Variants in LTBR observed in about 807,000 individuals in gnomAD.
LTBR encodes tumor necrosis factor receptor superfamily member 3.
Under a neutral mutation model 45.4 loss-of-function variants are expected in LTBR, and 15 were observed. The observed-to-expected ratio is 0.33, with a 90% CI of 0.22 to 0.51. The LOEUF (loss-of-function observed/expected upper bound fraction) is 0.51. LTBR is among the 20% of genes least tolerant of loss of function. The pLI, the probability that LTBR is intolerant of heterozygous loss-of-function variation, is 0.97. For missense variants in LTBR, 450 were observed against 565.5 expected (o/e 0.80, Z 2.07); for synonymous variants, 228 against 231.0 (o/e 0.99, Z 0.12).
chr12:6,386,084 A>G lies in LTBR; in HGVS notation c.491A>G (p.Asn164Ser), dbSNP rs1949042344. The G allele has an allele frequency of 9.3e-6, 15 of 1,613,692 alleles. No homozygotes were observed. The African/African-American group carries it at 9.4e-5, about 10-fold the overall frequency. Residue 164 changes from asparagine (N) to serine (S), a missense_variant, in exon 5 of 10, where the codon AAC becomes AGC. Asn to Ser is a conservative substitution (Grantham distance 46). Coordinates refer to ENST00000228918, the MANE Select transcript of LTBR (RefSeq NM_002342.3). The surrounding 1 kb of genome is among the most constrained non-coding windows in gnomAD (Gnocchi z 4.1). ...AELKDEVGKG[N>S]NHCVPCKAGH... ...TTGCCAGATGAAGTTGGGAAGGGTAACAACCACTGCGTCCCCTGCAAGGCC... is the reference window on the plus strand; with the variant it reads ...TTGCCAGATGAAGTTGGGAAGGGTAGCAACCACTGCGTCCCCTGCAAGGCC...
chr12:6,383,223 T>C (rs552573467), upstream of LTBR, among the ~76,000 whole-genome samples: 22 of 152,172 alleles, frequency 1.4e-4, no homozygotes, highest in South Asian at 4.0e-3. Context: ...AGACGGAAAC[T>C]TGGGGACCAG....
In LTBR at chr12:6,384,223, C is replaced by G; in HGVS notation, c.-136C>G. 1 of 1,353,084 alleles carries G rather than the reference C, an allele frequency of 7.4e-7. No individual in the cohort carries two copies. Among genetic ancestry groups the G allele is most frequent in the African/African-American group, 1.5e-5 (1 of 65,182 alleles). The allele number at this position is 1,353,084 out of a possible 1,614,324, so 83.8% of individuals were successfully genotyped here. On this transcript the variant is annotated 5_prime_UTR_variant, in exon 1 of 10. Coordinates refer to ENST00000228918, the MANE Select transcript of LTBR (RefSeq NM_002342.3). Reference sequence around the variant, plus strand: ...AGGCCCGGCCTGGCCGCTCCCGGCCCTGGGGTGCACATCGGCCCTGAGTCC... The same window carrying G: ...AGGCCCGGCCTGGCCGCTCCCGGCCGTGGGGTGCACATCGGCCCTGAGTCC...
Position 6,386,279 on chromosome 12 carries a change from T to C in LTBR, c.570-68T>C. The stretch of plus-strand genomic sequence containing the variant: ...ACTCACCACTTTCAGCCTCCCCGCC[T>C]GCCCAGTGGAGTCGGGACACTGGTG... On this transcript the variant is annotated intron_variant, in intron 5 of 9. Transcript: ENST00000228918. The surrounding 1 kb of genome is among the most constrained non-coding windows in gnomAD (Gnocchi z 4.1). 1 of 1,504,652 alleles carries C rather than the reference T, an allele frequency of 6.6e-7. No individual in the cohort carries two copies. The highest frequency in any genetic ancestry group is 9.2e-7 in the Non-Finnish European group (1 of 1,082,562). The allele number at this position is 1,504,652 out of a possible 1,614,324, so 93.2% of individuals were successfully genotyped here.
chr12:6,376,278 G>A (rs746071582), intron 1 of LTBR: 3 of 734,152 alleles, frequency 4.1e-6, no homozygotes, highest in Non-Finnish European at 3.3e-6. Flanking sequence ...GTCCAGACCC[G>A]GGAGGGGCCC....
At chr12:6,376,276 C>T (rs916610933) in intron 1 of LTBR, 33 of 733,904 alleles carry the variant, frequency 4.5e-5, no homozygotes, top group Middle Eastern at 6.7e-4. Context: ...TTGTCCAGAC[C>T]CGGGAGGGGC....
upstream of LTBR, among the ~76,000 whole-genome samples, chr12:6,381,991 A>C (rs1000518043): frequency 1.6e-4 from 25 of 152,262 alleles, no homozygotes; most frequent in African/African-American, 6.0e-4. Context: ...AGAGAAAAGA[A>C]GAGAAGAGAA....
chr12:6,380,823 C>T (rs1948975860), upstream of LTBR, among the ~76,000 whole-genome samples: 1 of 152,108 alleles, frequency 6.6e-6, no homozygotes, highest in South Asian at 2.1e-4. Flanking sequence ...GAGAAGAGTC[C>T]CACCCTCACA....
chr12:6,375,198 C>T, upstream of LTBR: 1 of 1,448,190 alleles, frequency 6.9e-7, no homozygotes, highest in African/African-American at 1.4e-5. Flanking sequence ...TCCTGCCTCT[C>T]ACTCCCTCTC....
rs1949012338 is a variant in LTBR at position 6,384,251 on chromosome 12, TC to T, written c.-105del. 7.1e-7 allele frequency: 1 copy of T among 1,412,010 alleles called. No individual in the cohort carries two copies. Among genetic ancestry groups the T allele is most frequent in the South Asian group, 1.6e-5 (1 of 64,284 alleles). The allele number at this position is 1,412,010 out of a possible 1,614,324, so 87.5% of individuals were successfully genotyped here. A position where few individuals can be genotyped will look rare whatever the true frequency, so the allele number is the denominator to read the frequency against. The stretch of plus-strand genomic sequence containing the variant: ...GGGTGCACATCGGCCCTGAGTCCCG[TC>T]CCAGGCTCTGGGCTCGGGCAGCCGC... On this transcript the variant is annotated 5_prime_UTR_variant, in exon 1 of 10. Coordinates refer to ENST00000228918, the MANE Select transcript of LTBR (RefSeq NM_002342.3).
In LTBR at chr12:6,391,296, G is replaced by T. The variant is rs1004235164; in HGVS notation, c.*359G>T. 6 of 192,444 alleles carry T rather than the reference G, an allele frequency of 3.1e-5. No homozygotes were observed. Among genetic ancestry groups the T allele is most frequent in the Admixed American group, 1.2e-4 (2 of 16,236 alleles). The allele number at this position is 192,444 out of a possible 1,614,324, so 11.9% of individuals were successfully genotyped here. On this transcript the variant is annotated 3_prime_UTR_variant, in exon 10 of 10. Coordinates refer to ENST00000228918, the MANE Select transcript of LTBR (RefSeq NM_002342.3). ...ACACGGTCACCTGCAAGGACGTCAC[G>T]GGCCCCTCTAAAGGATTCGTGGTGC...
In LTBR at chr12:6,385,682, G is replaced by A. The variant is rs535983750; in HGVS notation, c.472+303G>A. The A allele has an allele frequency of 1.2e-3, 516 of 414,600 alleles. 7 individuals are homozygous for A. The South Asian group carries it at 0.014, about 11-fold the overall frequency. 25.7% of individuals were successfully genotyped at this position (414,600 alleles called of 1,614,324 possible). On this transcript the variant is annotated intron_variant, in intron 4 of 9. Coordinates refer to ENST00000228918, the MANE Select transcript of LTBR (RefSeq NM_002342.3). Reference sequence around the variant, plus strand: ...AGCACTTTGGGAGGCCGAGGTGGGCGGATCACGAGGTCAGGAGATCGAGAC... The same window carrying A: ...AGCACTTTGGGAGGCCGAGGTGGGCAGATCACGAGGTCAGGAGATCGAGAC...
At chr12:6,377,345 C>T in intron 1 of LTBR, 1 of 1,329,908 alleles carries the variant, frequency 7.5e-7, no homozygotes, top group Non-Finnish European at 1.0e-6. Context: ...AAGGATAAAT[C>T]AGTTTTCTGA....
chr12:6,381,570 A>G (rs146258018), upstream of LTBR, among the ~76,000 whole-genome samples: 382 of 152,364 alleles, frequency 2.5e-3, 1 homozygote, highest in African/African-American at 8.7e-3. Flanking sequence ...GGCAGCAGAA[A>G]GAAACATACA....
At chr12:6,377,432 C>T (rs926055961) in intron 1 of LTBR, 30 of 687,540 alleles carry the variant, frequency 4.4e-5, no homozygotes, top group African/African-American at 2.9e-4. Flanking sequence ...ATCTACTTAG[C>T]GCTTTTGCCA....
chr12:6,380,826 C>T (rs916808233), upstream of LTBR, among the ~76,000 whole-genome samples: 42 of 152,142 alleles, frequency 2.8e-4, no homozygotes, highest in African/African-American at 1.0e-3. Context: ...AAGAGTCCCA[C>T]CCTCACACAC....
upstream of LTBR, among the ~76,000 whole-genome samples, chr12:6,382,429 T>G (rs987976103): frequency 6.6e-6 from 1 of 152,056 alleles, no homozygotes; most frequent in Non-Finnish European, 1.5e-5. Flanking sequence ...CAGTAAAAAG[T>G]AAAAAGAAGA....
intron 1 of LTBR, chr12:6,375,746 G>T: frequency 7.1e-7 from 1 of 1,414,448 alleles, no homozygotes; most frequent in South Asian, 1.5e-5. Context: ...CAAGGAGGCT[G>T]GGGGACAGGA....
exon 1 of LTBR, chr12:6,375,577 T>C (rs549775720): frequency 6.7e-7 from 1 of 1,495,676 alleles, no homozygotes; most frequent in East Asian, 2.5e-5. Flanking sequence ...AGGAATCTCA[T>C]TAGCATCTCA....
chr12:6,376,150 G>T (rs1948904716), intron 1 of LTBR: 1 of 983,948 alleles, frequency 1.0e-6, no homozygotes. Context: ...GAGAGAAGAG[G>T]TCTCTGCAGG....
Sources: gnomAD v4.1 joint callset for allele counts (sites outside exome capture counted in the v4.1 genomes callset) on GRCh38, gnomAD v4.1.1 for gene constraint, Gnocchi (gnomAD v3.1) non-coding constraint, MANE v1.5 for transcripts, NCBI Gene and HGNC (gene_info 2026-07-23, HGNC 2026-07-21) for gene names.